DRC11: variants seen among roughly 807,000 people sequenced by gnomAD.
DRC11 encodes IQ and AAA domain-containing protein 1.
chr2:236,357,153 T>TATATTC, the DRC11 span, among the ~76,000 whole-genome samples: 282 of 127,514 alleles, frequency 2.2e-3, no homozygotes, highest in African/African-American at 7.3e-3. Context: ...CTATATATTA[T>TATATTC]GTATTCATAT....
chr2:236,358,093 AC>A, the DRC11 span, among the ~76,000 whole-genome samples: 3 of 118,782 alleles, frequency 2.5e-5, no homozygotes, highest in Admixed American at 1.9e-4. Context: ...ATAGATATAT[AC>A]CATATGAATA....
At chr2:236,362,216 A>T in the DRC11 span, among the ~76,000 whole-genome samples, 1 of 152,190 alleles carries the variant, frequency 6.6e-6, no homozygotes, top group African/African-American at 2.4e-5. The surrounding 1 kb of genome is among the most constrained non-coding windows in gnomAD (Gnocchi z 5.7). Flanking sequence ...AATTAACCTA[A>T]ACAATGAAAT....
chr2:236,469,526 T>G, the DRC11 span, among the ~76,000 whole-genome samples: 1 of 152,234 alleles, frequency 6.6e-6, no homozygotes, highest in Non-Finnish European at 1.5e-5. The surrounding 1 kb of genome is among the most constrained non-coding windows in gnomAD (Gnocchi z 5.8). Context: ...TAATGAAGAA[T>G]CCAGCAGTGA....
chr2:236,413,773 A>T, the DRC11 span, among the ~76,000 whole-genome samples: 1 of 152,268 alleles, frequency 6.6e-6, no homozygotes, highest in African/African-American at 2.4e-5. The surrounding 1 kb of genome is among the most constrained non-coding windows in gnomAD (Gnocchi z 4.0). Context: ...ATGTTATGAC[A>T]GGTCAATACC....
At chr2:236,414,492 C>CT in the DRC11 span, among the ~76,000 whole-genome samples, 1 of 152,038 alleles carries the variant, frequency 6.6e-6, no homozygotes, top group African/African-American at 2.4e-5. Context: ...TATTGCGCTT[C>CT]TTTTTTTGTT....
At chr2:236,486,106 A>C in the DRC11 span, among the ~76,000 whole-genome samples, 2 of 152,204 alleles carry the variant, frequency 1.3e-5, no homozygotes, top group Admixed American at 1.3e-4. This position sits in a 1 kb window ranked among gnomAD's most constrained non-coding sequence, Gnocchi z 5.7. Context: ...GCCAGCTGCC[A>C]TATGGAGAAG....
At chr2:236,354,843 G>A in the DRC11 span, among the ~76,000 whole-genome samples, 12 of 152,138 alleles carry the variant, frequency 7.9e-5, no homozygotes, top group African/African-American at 2.9e-4. Context: ...TGTCGTCACT[G>A]GACAGGTGGA....
chr2:236,387,326 G>A, the DRC11 span, among the ~76,000 whole-genome samples: 20 of 152,022 alleles, frequency 1.3e-4, no homozygotes, highest in Non-Finnish European at 4.4e-5. Flanking sequence ...CTCAGGACTT[G>A]CTTTATGAAT....
At chr2:236,352,843 A>G in the DRC11 span, among the ~76,000 whole-genome samples, 1 of 152,174 alleles carries the variant, frequency 6.6e-6, no homozygotes, top group Non-Finnish European at 1.5e-5. This position sits in a 1 kb window ranked among gnomAD's most constrained non-coding sequence, Gnocchi z 7.0. Context: ...TTACTACCCC[A>G]AATAGTACTT....
At chr2:236,367,540 G>C in the DRC11 span, 1 of 151,684 alleles carries the variant, frequency 6.6e-6, no homozygotes, top group East Asian at 1.9e-4. This position sits in a 1 kb window ranked among gnomAD's most constrained non-coding sequence, Gnocchi z 4.8. Flanking sequence ...CTCCTGGCTG[G>C]AGTTGCCATC....
chr2:236,337,810 GAA>G, the DRC11 span, among the ~76,000 whole-genome samples: 6,680 of 142,842 alleles, frequency 0.047, 472 homozygotes, highest in African/African-American at 0.16. This position sits in a 1 kb window ranked among gnomAD's most constrained non-coding sequence, Gnocchi z 4.9. Flanking sequence ...GAGACTGGAA[GAA>G]AAAAAAAAAA....
the DRC11 span, among the ~76,000 whole-genome samples, chr2:236,422,896 C>T: frequency 7.8e-3 from 1,187 of 151,948 alleles, 45 homozygotes; most frequent in East Asian, 0.12. Flanking sequence ...GAAATAATGC[C>T]GCATATCTAC....
the DRC11 span, chr2:236,367,749 T>C: frequency 5.3e-6 from 1 of 188,722 alleles, no homozygotes; most frequent in South Asian, 9.8e-5. The surrounding 1 kb of genome is among the most constrained non-coding windows in gnomAD (Gnocchi z 4.8). Flanking sequence ...TAGACGTCGG[T>C]GAAAACTGGC....
At chr2:236,468,109 T>G in the DRC11 span, among the ~76,000 whole-genome samples, 2 of 152,178 alleles carry the variant, frequency 1.3e-5, no homozygotes, top group Admixed American at 6.5e-5. Flanking sequence ...TAACTTTTCT[T>G]TTTTGGAGAC....
At chr2:236,498,455 C>A in the DRC11 span, among the ~76,000 whole-genome samples, 1 of 141,010 alleles carries the variant, frequency 7.1e-6, no homozygotes, top group African/African-American at 3.0e-5. Context: ...CAGAGCGAGA[C>A]TGTCTTAAAA....
chr2:236,385,383 T>G, the DRC11 span, among the ~76,000 whole-genome samples: 1 of 145,820 alleles, frequency 6.9e-6, no homozygotes, highest in African/African-American at 2.5e-5. Flanking sequence ...TCACATCCCT[T>G]GTAAGTTGGA....
the DRC11 span, among the ~76,000 whole-genome samples, chr2:236,336,365 A>C: frequency 8.8e-4 from 134 of 152,234 alleles, no homozygotes; most frequent in African/African-American, 3.0e-3. This position sits in a 1 kb window ranked among gnomAD's most constrained non-coding sequence, Gnocchi z 7.3. Context: ...GAGAAGGAAG[A>C]ACAGAAACCA....
the DRC11 span, among the ~76,000 whole-genome samples, chr2:236,321,685 G>C: frequency 2.6e-5 from 4 of 152,198 alleles, no homozygotes; most frequent in Non-Finnish European, 5.9e-5. Flanking sequence ...CTTTCAGACA[G>C]AGCTCATGGC....
chr2:236,325,604 T>C, the DRC11 span, among the ~76,000 whole-genome samples: 1 of 151,818 alleles, frequency 6.6e-6, no homozygotes, highest in South Asian at 2.1e-4. The surrounding 1 kb of genome is among the most constrained non-coding windows in gnomAD (Gnocchi z 4.4). Context: ...ATGTCTTTTT[T>C]TTTTTTTTCT....
Sources: gnomAD v4.1 joint callset for allele counts (sites outside exome capture counted in the v4.1 genomes callset) on GRCh38, gnomAD v4.1.1 for gene constraint, Gnocchi (gnomAD v3.1) non-coding constraint, MANE v1.5 for transcripts, NCBI Gene and HGNC (gene_info 2026-07-23, HGNC 2026-07-21) for gene names.